Variants in RAP1GDS1 observed in about 807,000 individuals in gnomAD.
RAP1GDS1 encodes the protein RAP1, GTP-GDP dissociation stimulator 1.
Under a neutral mutation model 71.1 loss-of-function variants are expected in RAP1GDS1, and 35 were observed. That is an observed-to-expected ratio of 0.49 (90% CI 0.38 to 0.65). RAP1GDS1 has a LOEUF of 0.65. Among genes scored for constraint, RAP1GDS1 ranks in the 30% least tolerant of loss-of-function variants. The pLI is 0.00. For synonymous variants in RAP1GDS1, 229 were observed against 243.1 expected, an observed-to-expected ratio of 0.94 and a Z score of 0.54; for missense variants, 663 against 706.1, an observed-to-expected ratio of 0.94 and a Z score of 0.69.
chr4:98,333,428 T>G (rs1734275596), intron 2 of RAP1GDS1, among the ~76,000 whole-genome samples: 1 of 152,044 alleles, frequency 6.6e-6, no homozygotes, highest in South Asian at 2.1e-4. Context: ...TCAGAAAATG[T>G]TTCCCCATAA....
intron 2 of RAP1GDS1, among the ~76,000 whole-genome samples, chr4:98,307,785 CA>C (rs1729543801): frequency 3.3e-5 from 5 of 152,158 alleles, no homozygotes; most frequent in South Asian, 4.2e-4. Flanking sequence ...GTTTTGCAAT[CA>C]GAACATCTAC....
intron 4 of RAP1GDS1, among the ~76,000 whole-genome samples, chr4:98,365,983 A>G (rs1438109012): frequency 6.6e-6 from 1 of 152,214 alleles, no homozygotes; most frequent in African/African-American, 2.4e-5. Context: ...TAGGACAGAA[A>G]CAAACAGATT....
intron 3 of RAP1GDS1, among the ~76,000 whole-genome samples, chr4:98,344,885 C>A (rs12507859): frequency 0.075 from 11,357 of 152,200 alleles, 465 homozygotes; most frequent in Admixed American, 0.14. Flanking sequence ...AGTGTAGTGG[C>A]AGGATCACGG....
intron 4 of RAP1GDS1, among the ~76,000 whole-genome samples, chr4:98,373,388 C>T (rs1371160344): frequency 6.6e-6 from 1 of 151,248 alleles, no homozygotes; most frequent in Non-Finnish European, 1.5e-5. Flanking sequence ...TCTCTCCCTC[C>T]CTCCCTCTCC....
chr4:98,359,959 A>G (rs1738484640), intron 4 of RAP1GDS1, among the ~76,000 whole-genome samples: 2 of 152,350 alleles, frequency 1.3e-5, no homozygotes, highest in African/African-American at 2.4e-5. Flanking sequence ...GCACTGCACC[A>G]GGTTTATTTA....
chr4:98,307,969 A>G (rs1221757788), intron 2 of RAP1GDS1, among the ~76,000 whole-genome samples: 1 of 151,902 alleles, frequency 6.6e-6, no homozygotes, highest in African/African-American at 2.4e-5. Context: ...ACATCTCTTG[A>G]TTTTTATGTA....
intron 2 of RAP1GDS1, among the ~76,000 whole-genome samples, chr4:98,314,963 G>A (rs1276092183): frequency 6.6e-6 from 1 of 152,098 alleles, no homozygotes. Flanking sequence ...AATACTGGTA[G>A]CCTTCAGCTG....
intron 1 of RAP1GDS1, among the ~76,000 whole-genome samples, chr4:98,264,547 A>G (rs1431646307): frequency 2.6e-5 from 4 of 152,234 alleles, no homozygotes; most frequent in Non-Finnish European, 2.9e-5. Context: ...TTGGATATCA[A>G]CTGTGCAGTG....
intron 3 of RAP1GDS1, 124 bp from the exon 4 acceptor site, chr4:98,352,351 GC>G (rs1737336991): frequency 1.0e-5 from 10 of 986,270 alleles, no homozygotes; most frequent in Non-Finnish European, 1.3e-5. Flanking sequence ...CAAATATTCA[GC>G]CACCTTTTCA....
chr4:98,355,067 C>T (rs1737753586), intron 4 of RAP1GDS1, among the ~76,000 whole-genome samples: 7 of 152,134 alleles, frequency 4.6e-5, no homozygotes, highest in Admixed American at 2.6e-4. Flanking sequence ...ACTTGAATTA[C>T]AAGAATAATA....
intron 4 of RAP1GDS1, among the ~76,000 whole-genome samples, chr4:98,368,662 T>G (rs1240602142): frequency 6.6e-6 from 1 of 152,208 alleles, no homozygotes; most frequent in Non-Finnish European, 1.5e-5. Context: ...CTTGAACTTT[T>G]TTCATCATTT....
At chr4:98,351,971 G>A (rs1210016128) in intron 3 of RAP1GDS1, among the ~76,000 whole-genome samples, 1 of 150,660 alleles carries the variant, frequency 6.6e-6, no homozygotes, top group East Asian at 1.9e-4. Flanking sequence ...ATTTTTTAAT[G>A]GTTCACTGAA....
intron 6 of RAP1GDS1, among the ~76,000 whole-genome samples, chr4:98,400,548 CG>C (rs1033649596): frequency 1.1e-4 from 14 of 123,394 alleles, no homozygotes; most frequent in African/African-American, 4.6e-4. Context: ...AAAAAAAAAA[CG>C]GATACTAGAG....
chr4:98,441,176 C>A, intron 14 of RAP1GDS1: 1 of 267,528 alleles, frequency 3.7e-6, no homozygotes, highest in Non-Finnish European at 5.8e-6. Context: ...ACTAAAAACA[C>A]TGGTTCATTG....
intron 2 of RAP1GDS1, among the ~76,000 whole-genome samples, chr4:98,325,904 C>G (rs1179855095): frequency 9.4e-6 from 1 of 106,008 alleles, no homozygotes; most frequent in Non-Finnish European, 1.9e-5. Flanking sequence ...CACATGTACC[C>G]TAAAACTTAA....
Position 98,392,363 on chromosome 4 carries a change from T to C in RAP1GDS1, c.637+283T>C, listed in dbSNP as rs183711977. On this transcript the variant is annotated intron_variant, in intron 6 of 14. Coordinates refer to ENST00000408927, the MANE Select transcript of RAP1GDS1 (RefSeq NM_001100427.2). ...ACAGAGTTGAATATTTACACTTGTC[T>C]CCACTTGACTTTAATCTTTTTACAT... 6.9e-4 allele frequency: 152 copies of C among 221,600 alleles called. 1 individual carries two copies. Among genetic ancestry groups the C allele is most frequent in the African/African-American group, 3.0e-3 (131 of 43,450 alleles). The allele number at this position is 221,600 out of a possible 1,614,324, so 13.7% of individuals were successfully genotyped here.
At chr4:98,386,063 A>T (rs1742696693) in intron 5 of RAP1GDS1, among the ~76,000 whole-genome samples, 1 of 151,808 alleles carries the variant, frequency 6.6e-6, no homozygotes, top group African/African-American at 2.4e-5. Context: ...TTTAAAAAAA[A>T]AAAAGACATT....
At chr4:98,285,899 CAT>C (rs943064629) in intron 1 of RAP1GDS1, among the ~76,000 whole-genome samples, 6 of 145,852 alleles carry the variant, frequency 4.1e-5, no homozygotes, top group Non-Finnish European at 9.0e-5. Context: ...TGTAAATAAA[CAT>C]TATAAATTAT....
intron 1 of RAP1GDS1, among the ~76,000 whole-genome samples, chr4:98,292,455 C>T (rs539486077): frequency 1.3e-5 from 2 of 151,756 alleles, no homozygotes; most frequent in East Asian, 3.9e-4. Context: ...AAATGTAAAA[C>T]AATGCCTTAT....
Sources: allele counts gnomAD v4.1 joint callset (sites outside exome capture counted in the v4.1 genomes callset), GRCh38; gene constraint gnomAD v4.1.1; transcripts MANE v1.5; gene names NCBI Gene and HGNC (gene_info 2026-07-23, HGNC 2026-07-21).